LRRC4C: variants seen among roughly 807,000 people sequenced by gnomAD.
LRRC4C encodes the protein leucine-rich repeat-containing protein 4C.
A neutral mutation model predicts 33.6 loss-of-function variants in LRRC4C; 5 were observed. The observed-to-expected ratio is 0.15, with a 90% CI of 0.08 to 0.31. The LOEUF (loss-of-function observed/expected upper bound fraction) is 0.31. LRRC4C is among the 10% of genes least tolerant of loss of function. The pLI is 1.00. For synonymous variants in LRRC4C, 329 were observed against 302.0 expected (o/e 1.09, Z -0.93); for missense variants, 560 against 796.7 (o/e 0.70, Z 3.58).
At chr11:40,745,444 T>G (rs1181998830) in intron 2 of LRRC4C, among the ~76,000 whole-genome samples, 1 of 152,158 alleles carries the variant, frequency 6.6e-6, no homozygotes, top group Non-Finnish European at 1.5e-5. Context: ...TGATAGACAT[T>G]TTGACTTAAA....
chr11:40,411,252 C>T (rs1267823593), intron 3 of LRRC4C, among the ~76,000 whole-genome samples: 2 of 152,000 alleles, frequency 1.3e-5, no homozygotes, highest in Non-Finnish European at 2.9e-5. Flanking sequence ...ACTGGAAAAA[C>T]GCAAAGTCAC....
intron 1 of LRRC4C, among the ~76,000 whole-genome samples, chr11:41,334,215 C>T (rs886099967): frequency 6.6e-6 from 1 of 152,216 alleles, no homozygotes; most frequent in African/African-American, 2.4e-5. Flanking sequence ...TTCTGTGTTA[C>T]AAAACTTGCA....
intron 2 of LRRC4C, among the ~76,000 whole-genome samples, chr11:40,912,942 G>C (rs1956769609): frequency 6.6e-6 from 1 of 152,150 alleles, no homozygotes; most frequent in African/African-American, 2.4e-5. Context: ...GATCAAAAGA[G>C]ACAAAGAAGA....
intron 1 of LRRC4C, among the ~76,000 whole-genome samples, chr11:41,054,495 G>A (rs765675507): frequency 1.3e-5 from 2 of 152,164 alleles, no homozygotes; most frequent in Non-Finnish European, 2.9e-5. Flanking sequence ...TAGAGGTGTT[G>A]CTGTCACCAC....
rs144398834 is a variant in LRRC4C, at chr11:40,551,140, T to C, written c.-270+97002A>G. ...ACCCTTGTTAAAGCATTAAGGTTCA[T>C]ATTAAAATCCAAATGTGTTATCTGA... On this transcript the variant is annotated intron_variant, in intron 3 of 6. Transcript: ENST00000528697. Among the ~76,000 whole-genome samples, 759 of 152,238 alleles carry C rather than the reference T, an allele frequency of 5.0e-3. 6 individuals are homozygous for C. The highest frequency in any genetic ancestry group is 0.017 in the African/African-American group (698 of 41,538).
intron 2 of LRRC4C, among the ~76,000 whole-genome samples, chr11:40,658,898 G>A (rs976562024): frequency 5.9e-5 from 9 of 152,182 alleles, no homozygotes; most frequent in South Asian, 4.1e-4. Flanking sequence ...TGGGGATGCC[G>A]GCTGCAGCAG....
intron 1 of LRRC4C, among the ~76,000 whole-genome samples, chr11:41,079,668 A>C (rs1939419049): frequency 1.3e-5 from 2 of 152,230 alleles, no homozygotes; most frequent in Non-Finnish European, 2.9e-5. Flanking sequence ...ATGAAAGCTT[A>C]GAACAAAGCT....
intron 3 of LRRC4C, among the ~76,000 whole-genome samples, chr11:40,328,005 A>G (rs1168444138): frequency 6.6e-6 from 1 of 152,110 alleles, no homozygotes; most frequent in Non-Finnish European, 1.5e-5. Flanking sequence ...TGATCTTTAT[A>G]CATGTTAACA....
intron 1 of LRRC4C, among the ~76,000 whole-genome samples, chr11:41,393,367 G>C (rs762578119): frequency 6.6e-6 from 1 of 151,806 alleles, no homozygotes; most frequent in Non-Finnish European, 1.5e-5. Context: ...TCTGAACATT[G>C]CTATGAATGA....
intron 2 of LRRC4C, among the ~76,000 whole-genome samples, chr11:40,765,160 A>C (rs1237346983): frequency 2.6e-5 from 4 of 152,152 alleles, no homozygotes; most frequent in Non-Finnish European, 4.4e-5. Context: ...TCTCATATCA[A>C]GTTGTAATTT....
intron 2 of LRRC4C, among the ~76,000 whole-genome samples, chr11:40,726,398 T>G (rs538876156): frequency 5.3e-5 from 8 of 152,162 alleles, no homozygotes; most frequent in African/African-American, 1.9e-4. Flanking sequence ...ATGGCAAAAG[T>G]TCTCAACAAT....
chr11:40,421,879 G>C (rs896338599), intron 3 of LRRC4C, among the ~76,000 whole-genome samples: 1 of 152,204 alleles, frequency 6.6e-6, no homozygotes, highest in Non-Finnish European at 1.5e-5. Flanking sequence ...AATTGTCATA[G>C]GATGTCACAC....
intron 3 of LRRC4C, among the ~76,000 whole-genome samples, chr11:40,577,832 C>CTTTTTT (rs56061263): frequency 9.3e-4 from 111 of 119,336 alleles, no homozygotes; most frequent in Non-Finnish European, 1.2e-3. Flanking sequence ...TTTCTTTTTT[C>CTTTTTT]TTTTTTTTTT....
intron 1 of LRRC4C, among the ~76,000 whole-genome samples, chr11:41,266,057 T>C (rs1385553574): frequency 6.6e-6 from 1 of 152,062 alleles, no homozygotes; most frequent in African/African-American, 2.4e-5. Context: ...GTTTTTGGCA[T>C]ATAACCTAAA....
At chr11:40,490,379 C>G (rs1954085923) in intron 3 of LRRC4C, among the ~76,000 whole-genome samples, 1 of 152,116 alleles carries the variant, frequency 6.6e-6, no homozygotes, top group Non-Finnish European at 1.5e-5. Flanking sequence ...TCAAGCTGGG[C>G]TGCTGTAATG....
At chr11:40,342,162 A>C (rs934769987) in intron 3 of LRRC4C, among the ~76,000 whole-genome samples, 2 of 152,206 alleles carry the variant, frequency 1.3e-5, no homozygotes, top group Non-Finnish European at 2.9e-5. Flanking sequence ...TTGATAACTC[A>C]GTTTAATCAT....
chr11:41,401,225 T>C (rs1225593532), intron 1 of LRRC4C, among the ~76,000 whole-genome samples: 1 of 151,868 alleles, frequency 6.6e-6, no homozygotes, highest in African/African-American at 2.4e-5. Flanking sequence ...TACATTTGAA[T>C]TAAAATGAAA....
chr11:40,375,214 T>C (rs1416489415), intron 3 of LRRC4C, among the ~76,000 whole-genome samples: 1 of 152,168 alleles, frequency 6.6e-6, no homozygotes, highest in Non-Finnish European at 1.5e-5. Flanking sequence ...AGAGGAAAAA[T>C]AACTGGCAAA....
At chr11:40,884,316 A>G (rs953410971) in intron 2 of LRRC4C, among the ~76,000 whole-genome samples, 2 of 151,978 alleles carry the variant, frequency 1.3e-5, no homozygotes, top group African/African-American at 4.8e-5. Flanking sequence ...TCTATCATTG[A>G]TGGGCATTTG....
Sources: allele counts gnomAD v4.1 joint callset (sites outside exome capture counted in the v4.1 genomes callset), GRCh38; gene constraint gnomAD v4.1.1; transcripts MANE v1.5; gene names NCBI Gene and HGNC (gene_info 2026-07-23, HGNC 2026-07-21).